Variants in FCHSD2 observed in about 807,000 individuals in gnomAD.
FCHSD2 encodes the protein FCH and double SH3 domains 2.
FCHSD2 carries 38 observed loss-of-function variants against 108.1 expected under a neutral mutation model. The ratio of observed to expected loss-of-function variants is 0.35; its 90% CI spans 0.27 to 0.46. FCHSD2 has a LOEUF of 0.46. Ranked by LOEUF, FCHSD2 falls within the 20% of genes least tolerant of loss-of-function variation. The probability of loss-of-function intolerance (pLI) is 1.00; values close to 1 mark genes in which losing one functional copy is unlikely to be tolerated. For synonymous variants in FCHSD2, 279 were observed against 314.7 expected, an observed-to-expected ratio of 0.89 and a Z score of 1.20; for missense variants, 751 against 897.8, an observed-to-expected ratio of 0.84 and a Z score of 2.09.
chr11:72,940,405 A>AT (rs1565332976), intron 8 of FCHSD2: 36 of 506,878 alleles, frequency 7.1e-5, no homozygotes, highest in African/African-American at 5.8e-4. Flanking sequence ...TAAAGGAAAT[A>AT]ATATATGTAA....
chr11:73,138,731 C>G (rs1220771908), intron 2 of FCHSD2, among the ~76,000 whole-genome samples: 4 of 151,716 alleles, frequency 2.6e-5, no homozygotes, highest in Non-Finnish European at 2.9e-5. Context: ...CCTCAGCCTC[C>G]TGAGTAGCTA....
chr11:73,038,368 A>G (rs1364049359), intron 3 of FCHSD2, among the ~76,000 whole-genome samples: 1 of 151,944 alleles, frequency 6.6e-6, no homozygotes, highest in Non-Finnish European at 1.5e-5. Flanking sequence ...AAAAAGGAAA[A>G]GAAATTCTGA....
intron 2 of FCHSD2, among the ~76,000 whole-genome samples, chr11:73,090,218 T>A (rs942392315): frequency 4.5e-5 from 6 of 132,620 alleles, no homozygotes; most frequent in East Asian, 2.1e-4. Context: ...TTACAATACT[T>A]CTTTTTTTTT....
At chr11:72,947,201 C>T (rs1170315373) in intron 8 of FCHSD2, among the ~76,000 whole-genome samples, 1 of 152,214 alleles carries the variant, frequency 6.6e-6, no homozygotes. Context: ...GGCTTTAAAC[C>T]AAGTGGAAGA....
intron 8 of FCHSD2, among the ~76,000 whole-genome samples, chr11:72,958,687 C>T (rs916066643): frequency 2.0e-5 from 3 of 152,118 alleles, no homozygotes; most frequent in African/African-American, 7.2e-5. Flanking sequence ...AAAAATCTAC[C>T]TTCAGAGAAA....
chr11:73,124,443 G>A lies in FCHSD2; in HGVS notation c.119+15588C>T, dbSNP rs551126021. 4.0e-5 allele frequency among the ~76,000 whole-genome samples: 6 copies of A among 151,844 alleles called. No individual in the cohort carries two copies. The South Asian group carries it at 1.3e-3, about 32-fold the overall frequency. On this transcript the variant is annotated intron_variant, in intron 2 of 19. Coordinates refer to ENST00000409418, the MANE Select transcript of FCHSD2 (RefSeq NM_014824.3). ...TTTTAAAAAAAGAAGAGAGAGAATG[G>A]GGCAGAAAAAAAATATTTGAAGAAA...
At chr11:72,886,734 CTAA>C (rs2135244307) in intron 12 of FCHSD2, among the ~76,000 whole-genome samples, 1 of 152,340 alleles carries the variant, frequency 6.6e-6, no homozygotes, top group East Asian at 1.9e-4. Context: ...ATCCTCCACT[CTAA>C]TCATATCCAG....
intron 3 of FCHSD2, among the ~76,000 whole-genome samples, chr11:73,033,184 A>G (rs1185361376): frequency 6.6e-6 from 1 of 151,560 alleles, no homozygotes; most frequent in Non-Finnish European, 1.5e-5. Context: ...GCTACTCGGG[A>G]GGCTGAGGCA....
chr11:72,964,650 G>A (rs903207163), intron 8 of FCHSD2, among the ~76,000 whole-genome samples: 1 of 152,086 alleles, frequency 6.6e-6, no homozygotes, highest in Non-Finnish European at 1.5e-5. Context: ...GTTAACTTCC[G>A]AATCTACCTC....
intron 8 of FCHSD2, among the ~76,000 whole-genome samples, chr11:72,930,199 G>A (rs958274222): frequency 4.6e-4 from 70 of 152,140 alleles, no homozygotes; most frequent in African/African-American, 1.4e-3. Flanking sequence ...CTGCAAGCCC[G>A]CTGCTGAAAC....
intron 13 of FCHSD2, among the ~76,000 whole-genome samples, chr11:72,855,475 C>T (rs575098660): frequency 6.9e-6 from 1 of 145,270 alleles, no homozygotes; most frequent in Admixed American, 6.9e-5. Flanking sequence ...GACTCCATCT[C>T]AAAAAAAAAA....
At chr11:72,847,756 G>A (rs1251071190) in intron 14 of FCHSD2, among the ~76,000 whole-genome samples, 1 of 147,806 alleles carries the variant, frequency 6.8e-6, no homozygotes, top group Non-Finnish European at 1.5e-5. Flanking sequence ...GCAATGGTGC[G>A]ATCTTGGCTC....
chr11:72,998,401 G>A (rs1857560549), intron 5 of FCHSD2, among the ~76,000 whole-genome samples: 1 of 152,096 alleles, frequency 6.6e-6, no homozygotes, highest in East Asian at 1.9e-4. Context: ...AATTAGCCAG[G>A]TGTGGTGGCA....
intron 8 of FCHSD2, among the ~76,000 whole-genome samples, chr11:72,952,683 T>C (rs1336502590): frequency 1.3e-5 from 2 of 152,050 alleles, no homozygotes; most frequent in Non-Finnish European, 2.9e-5. Flanking sequence ...TTGGTAGAGA[T>C]GAGACATTAA....
At chr11:73,138,353 A>G (rs1861170328) in intron 2 of FCHSD2, among the ~76,000 whole-genome samples, 1 of 152,220 alleles carries the variant, frequency 6.6e-6, no homozygotes, top group South Asian at 2.1e-4. Flanking sequence ...ACCAAGCTAC[A>G]GACAACAGGG....
intron 14 of FCHSD2, among the ~76,000 whole-genome samples, chr11:72,847,690 C>CTTTT (rs60989366): frequency 6.2e-5 from 8 of 129,056 alleles, no homozygotes; most frequent in Non-Finnish European, 8.3e-5. Context: ...TGACTCTAAC[C>CTTTT]TTTTTTTTTT....
At chr11:73,112,970 A>G (rs951062257) in intron 2 of FCHSD2, among the ~76,000 whole-genome samples, 2 of 152,086 alleles carry the variant, frequency 1.3e-5, no homozygotes, top group Non-Finnish European at 2.9e-5. Context: ...TCGGCCAGAT[A>G]TGCCCTTTTG....
intron 9 of FCHSD2, among the ~76,000 whole-genome samples, chr11:72,903,026 A>C (rs1035004823): frequency 3.3e-5 from 5 of 152,152 alleles, no homozygotes; most frequent in Non-Finnish European, 7.4e-5. Flanking sequence ...TGGGCCTCTT[A>C]AAGTCTGTTT....
At chr11:73,101,157 G>T (rs577041443) in intron 2 of FCHSD2, among the ~76,000 whole-genome samples, 2 of 152,182 alleles carry the variant, frequency 1.3e-5, no homozygotes, top group Admixed American at 1.3e-4. Context: ...GAACCCTGAG[G>T]TTTAGTTCCG....
Sources: allele counts gnomAD v4.1 joint callset (sites outside exome capture counted in the v4.1 genomes callset), GRCh38; gene constraint gnomAD v4.1.1; transcripts MANE v1.5; gene names NCBI Gene and HGNC (gene_info 2026-07-23, HGNC 2026-07-21).